AFAP1: variants seen among roughly 807,000 people sequenced by gnomAD.
The protein encoded by AFAP1 is actin filament-associated protein 1.
AFAP1 carries 75 observed loss-of-function variants against 93.9 expected under a neutral mutation model. The observed-to-expected ratio is 0.80, with a 90% CI of 0.66 to 0.97. AFAP1 has a LOEUF of 0.97. Ranked by LOEUF, AFAP1 falls within the 50% of genes least tolerant of loss-of-function variation. The probability of loss-of-function intolerance (pLI) is 0.00; values close to 1 mark genes in which losing one functional copy is unlikely to be tolerated. For missense variants in AFAP1, 1,201 were observed against 1,050.8 expected (o/e 1.14, Z -1.98); for synonymous variants, 517 against 430.7 (o/e 1.20, Z -2.48).
chr4:7,775,049 G>A (rs1715960733), intron 14 of AFAP1, 146 bp from the exon 15 acceptor site: 4 of 967,648 alleles, frequency 4.1e-6, no homozygotes, highest in African/African-American at 1.6e-5. Context: ...GCTGAGGTGG[G>A]AGAATCGCTT....
At chr4:7,930,153 C>T (rs1352978233) in intron 1 of AFAP1, among the ~76,000 whole-genome samples, 1 of 152,204 alleles carries the variant, frequency 6.6e-6, no homozygotes, top group African/African-American at 2.4e-5. Flanking sequence ...CACTTACTTA[C>T]TCTTATGGTT....
intron 1 of AFAP1, among the ~76,000 whole-genome samples, chr4:7,932,469 G>A (rs1269483867): frequency 6.6e-6 from 1 of 152,160 alleles, no homozygotes; most frequent in Non-Finnish European, 1.5e-5. Flanking sequence ...TTCTAGAAAT[G>A]GACCTGGAAT....
At chr4:7,854,499 C>G (rs1253718251) in intron 4 of AFAP1, among the ~76,000 whole-genome samples, 1 of 152,216 alleles carries the variant, frequency 6.6e-6, no homozygotes, top group African/African-American at 2.4e-5. Context: ...AAGACGGATC[C>G]TGCTTTGGTG....
intron 6 of AFAP1, among the ~76,000 whole-genome samples, chr4:7,830,347 G>C (rs559533376): frequency 2.6e-4 from 39 of 152,308 alleles, no homozygotes; most frequent in African/African-American, 8.9e-4. Context: ...CAATTCCAAT[G>C]TAACAGGAGC....
rs1394392156 is a variant in AFAP1 at position 7,939,532 on chromosome 4, G to A, written c.-3+124C>T. The A allele has an allele frequency of 5.5e-6, 2 of 363,490 alleles. No homozygotes were observed. Among genetic ancestry groups the A allele is most frequent in the Non-Finnish European group, 1.1e-5 (2 of 185,888 alleles). The allele number at this position is 363,490 out of a possible 1,614,324, so 22.5% of individuals were successfully genotyped here. A position where few individuals can be genotyped will look rare whatever the true frequency, so the allele number is the denominator to read the frequency against. ...AGGCGCGGAGCCCCCGGTACCACCC[G>A]AGGCCGAGACAAAGCCCAGGCGCAC... On this transcript the variant is annotated intron_variant, in intron 1 of 17. Transcript: ENST00000420658. The surrounding 1 kb of genome is among the most constrained non-coding windows in gnomAD (Gnocchi z 5.6).
chr4:7,928,610 A>T (rs1049128491), intron 1 of AFAP1, among the ~76,000 whole-genome samples: 10 of 151,196 alleles, frequency 6.6e-5, no homozygotes, highest in Non-Finnish European at 1.2e-4. Context: ...CTGGTCTCAA[A>T]CTCCTGACCT....
intron 6 of AFAP1, among the ~76,000 whole-genome samples, chr4:7,834,056 C>T (rs1010170952): frequency 2.7e-5 from 4 of 149,698 alleles, no homozygotes; most frequent in Non-Finnish European, 4.4e-5. Context: ...AACCCAAATG[C>T]CCATCAATCA....
At chr4:7,842,485 C>A (rs1318003391) in intron 5 of AFAP1, among the ~76,000 whole-genome samples, 1 of 151,542 alleles carries the variant, frequency 6.6e-6, no homozygotes, top group Admixed American at 6.6e-5. Flanking sequence ...TAATAACCAA[C>A]CATGGTTTCT....
chr4:7,771,509 GGAATGAAT>G (rs915358470), intron 16 of AFAP1, among the ~76,000 whole-genome samples: 2 of 152,144 alleles, frequency 1.3e-5, no homozygotes, highest in Admixed American at 1.3e-4. Flanking sequence ...TTGGATGAGT[GGAATGAAT>G]GAATGAATGC....
At position 7,799,444 on chromosome 4, in the gene AFAP1, C is replaced by T. The variant is rs965959905; in HGVS notation, c.1266+998G>A. Reference sequence around the variant, plus strand: ...GGCAGCCGTGGCTTAGGTCGCAGCCCCAGGCACTCTCTCCTCTGCCGATGA... The same window carrying T: ...GGCAGCCGTGGCTTAGGTCGCAGCCTCAGGCACTCTCTCCTCTGCCGATGA... On this transcript the variant is annotated intron_variant, in intron 10 of 17. Coordinates refer to ENST00000420658, the MANE Select transcript of AFAP1 (RefSeq NM_001134647.2). Among the ~76,000 whole-genome samples the T allele has an allele frequency of 5.3e-5, 8 of 152,306 alleles. No homozygotes were observed. In the East Asian group the frequency reaches 1.2e-3, roughly 22 times the overall value.
chr4:7,931,905 G>A (rs1394755312), intron 1 of AFAP1, among the ~76,000 whole-genome samples: 1 of 151,952 alleles, frequency 6.6e-6, no homozygotes, highest in Non-Finnish European at 1.5e-5. Context: ...TTGTCGCCCA[G>A]GCTGGAGTGC....
intron 12 of AFAP1, among the ~76,000 whole-genome samples, chr4:7,782,748 A>G (rs760380373): frequency 4.6e-5 from 7 of 152,206 alleles, no homozygotes; most frequent in Non-Finnish European, 8.8e-5. Context: ...GACGGTAATT[A>G]CAACCTTTTG....
At position 7,789,582 on chromosome 4, in the gene AFAP1, G is replaced by A. The variant is rs113764673; in HGVS notation, c.1413-3271C>T. On this transcript the variant is annotated intron_variant, in intron 11 of 17. Transcript: ENST00000420658. ...CCATCCCATCCGTGCATCTCCCCAC[G>A]CTCCGCACCAGCCGCTGCTTTCCAT... Among the ~76,000 whole-genome samples, 343 of 108,854 alleles carry A rather than the reference G, an allele frequency of 3.2e-3. 9 individuals are homozygous for A. Among genetic ancestry groups the A allele is most frequent in the African/African-American group, 5.2e-3 (110 of 21,070 alleles). 71.4% of individuals were successfully genotyped at this position (108,854 alleles called of 152,430 possible).
intron 3 of AFAP1, 120 bp from the exon 4 acceptor site, chr4:7,855,694 A>C: frequency 2.5e-6 from 2 of 803,118 alleles, no homozygotes; most frequent in Non-Finnish European, 4.2e-6. Flanking sequence ...CTTCGGCAAA[A>C]GAGAACCTCA....
chr4:7,883,799 A>G (rs1717987065), intron 1 of AFAP1, among the ~76,000 whole-genome samples: 1 of 152,262 alleles, frequency 6.6e-6, no homozygotes. Flanking sequence ...AACTTGATTG[A>G]AAGATGAAGA....
chr4:7,828,612 AAC>A (rs1180855128), intron 6 of AFAP1, among the ~76,000 whole-genome samples: 1 of 152,168 alleles, frequency 6.6e-6, no homozygotes, highest in African/African-American at 2.4e-5. Context: ...GAGGAAAAGC[AAC>A]AGTGGTAAGA....
chr4:7,817,612 A>C (rs1330688163), intron 7 of AFAP1, among the ~76,000 whole-genome samples: 2 of 142,522 alleles, frequency 1.4e-5, no homozygotes, highest in South Asian at 2.1e-4. Flanking sequence ...CAAAAAGACA[A>C]AACAAAAGGA....
rs1284071143 is a variant in AFAP1, at chr4:7,761,700, A to C, written c.*2065T>G. 2 of 152,084 alleles carry C rather than the reference A, an allele frequency of 1.3e-5. No individual in the cohort carries two copies. The highest frequency in any genetic ancestry group is 6.5e-5 in the Admixed American group (1 of 15,278). 9.4% of individuals were successfully genotyped at this position (152,084 alleles called of 1,614,324 possible). A position where few individuals can be genotyped will look rare whatever the true frequency, so the allele number is the denominator to read the frequency against. ...GAGTGTCAACCAGGGAAACTATTTGACCCGAAGGCAGCAAAAATCTATGGA... is the reference window on the plus strand; with the variant it reads ...GAGTGTCAACCAGGGAAACTATTTGCCCCGAAGGCAGCAAAAATCTATGGA... On this transcript the variant is annotated 3_prime_UTR_variant, in exon 18 of 18. Coordinates refer to ENST00000420658, the MANE Select transcript of AFAP1 (RefSeq NM_001134647.2).
intron 1 of AFAP1, among the ~76,000 whole-genome samples, chr4:7,873,340 AC>A (rs1717228603): frequency 9.9e-6 from 1 of 101,036 alleles, no homozygotes; most frequent in Non-Finnish European, 2.0e-5. Context: ...TTGAAGACAC[AC>A]CTTTTTTTTT....
Sources: allele counts gnomAD v4.1 joint callset (sites outside exome capture counted in the v4.1 genomes callset), GRCh38; gene constraint gnomAD v4.1.1; non-coding constraint Gnocchi (gnomAD v3.1); transcripts MANE v1.5; gene names NCBI Gene and HGNC (gene_info 2026-07-23, HGNC 2026-07-21).